PXDNL: variants seen among roughly 807,000 people sequenced by gnomAD.
PXDNL encodes the protein probable oxidoreductase PXDNL.
PXDNL carries 145 observed loss-of-function variants against 150.8 expected under a neutral mutation model. That is an observed-to-expected ratio of 0.96 (90% CI 0.84 to 1.10). The LOEUF is 1.10. PXDNL is among the 50% of genes least tolerant of loss of function. The pLI, the probability that PXDNL is intolerant of heterozygous loss-of-function variation, is 0.00. For missense variants in PXDNL, 2,087 were observed against 1,873.9 expected, an observed-to-expected ratio of 1.11 and a Z score of -2.10; for synonymous variants, 757 against 725.7, an observed-to-expected ratio of 1.04 and a Z score of -0.69.
intron 4 of PXDNL, among the ~76,000 whole-genome samples, chr8:51,535,132 G>A (rs1299142267): frequency 2.3e-5 from 3 of 131,186 alleles, no homozygotes; most frequent in African/African-American, 3.5e-5. Flanking sequence ...CGCCCCATCC[G>A]GGAGGTGAGG....
intron 4 of PXDNL, among the ~76,000 whole-genome samples, chr8:51,535,768 G>A (rs1194157274): frequency 6.6e-6 from 1 of 152,022 alleles, no homozygotes; most frequent in Non-Finnish European, 1.5e-5. Context: ...AACTGGTATG[G>A]ACTTCTCTTT....
Position 51,339,716 on chromosome 8 carries a change from T to G in PXDNL, c.4054A>C (p.Asn1352His). Residue 1352 changes from asparagine to histidine, a missense_variant, in exon 21 of 23, where the codon AAT becomes CAT. Physicochemically the swap from Asn to His is moderately conservative, Grantham distance 68 (BLOSUM62 1). Coordinates refer to ENST00000356297, the MANE Select transcript of PXDNL (RefSeq NM_144651.5). ...DKIYVGEDAR[N>H]VTVLAKTKFS... ...TTTGTTTTTGCCAGAACTGTCACAT[T>G]TCTAGCATCTTCACCCACATATATT... The G allele has an allele frequency of 1.2e-6, 2 of 1,613,542 alleles. No individual in the cohort carries two copies. Among genetic ancestry groups the G allele is most frequent in the Non-Finnish European group, 1.7e-6 (2 of 1,179,698 alleles).
intron 4 of PXDNL, among the ~76,000 whole-genome samples, chr8:51,547,974 A>G (rs945193823): frequency 1.3e-5 from 2 of 152,118 alleles, no homozygotes; most frequent in Non-Finnish European, 2.9e-5. Flanking sequence ...AGAGAAATAG[A>G]TAGCATAAAG....
intron 22 of PXDNL, 103 bp from the exon 23 acceptor site, chr8:51,320,125 T>C: frequency 9.8e-7 from 1 of 1,022,820 alleles, no homozygotes. Context: ...AAGCTGACTG[T>C]CTCAATATAA....
intron 1 of PXDNL, among the ~76,000 whole-genome samples, chr8:51,779,283 T>G (rs2037387110): frequency 1.3e-5 from 2 of 152,190 alleles, no homozygotes. Flanking sequence ...CAAGGCTGTG[T>G]GCAAGGGAAG....
intron 6 of PXDNL, among the ~76,000 whole-genome samples, chr8:51,478,437 A>G (rs893661316): frequency 2.0e-5 from 3 of 152,236 alleles, no homozygotes; most frequent in Non-Finnish European, 4.4e-5. Flanking sequence ...AATCTTTTCT[A>G]TTTGAAAACA....
intron 3 of PXDNL, among the ~76,000 whole-genome samples, chr8:51,573,215 C>T (rs1433964744): frequency 6.6e-6 from 1 of 152,124 alleles, no homozygotes; most frequent in East Asian, 1.9e-4. Flanking sequence ...GATCCTCACA[C>T]TTGTGAGGCT....
chr8:51,804,586 A>T (rs1479376867), intron 1 of PXDNL, among the ~76,000 whole-genome samples: 1 of 152,018 alleles, frequency 6.6e-6, no homozygotes, highest in Non-Finnish European at 1.5e-5. Flanking sequence ...AACTTTTCCC[A>T]TGTGCAGTAG....
intron 3 of PXDNL, 93 bp from the exon 4 acceptor site, chr8:51,557,004 T>A: frequency 1.4e-6 from 1 of 712,342 alleles, no homozygotes; most frequent in South Asian, 1.7e-5. Flanking sequence ...CTGTGGACCT[T>A]AGGAGCTTTG....
intron 12 of PXDNL, among the ~76,000 whole-genome samples, chr8:51,433,172 G>T (rs1809297984): frequency 1.3e-5 from 2 of 150,930 alleles, no homozygotes; most frequent in South Asian, 2.1e-4. Flanking sequence ...TCGCACCACA[G>T]CACTCCAGCC....
intron 16 of PXDNL, among the ~76,000 whole-genome samples, chr8:51,410,784 C>T (rs958565494): frequency 6.6e-6 from 1 of 151,668 alleles, no homozygotes; most frequent in Admixed American, 6.6e-5. Flanking sequence ...CTTGGATATA[C>T]CAAAAAACAA....
intron 1 of PXDNL, among the ~76,000 whole-genome samples, chr8:51,788,802 C>T (rs912565107): frequency 2.0e-5 from 3 of 152,200 alleles, no homozygotes; most frequent in Non-Finnish European, 4.4e-5. Flanking sequence ...CTCATTCTCA[C>T]ATTGCAGATC....
chr8:51,750,027 A>T (rs4425745), intron 1 of PXDNL, among the ~76,000 whole-genome samples: 123,181 of 152,156 alleles, frequency 0.81, 49,957 homozygotes, highest in East Asian at 0.88. Context: ...AAAATTTTCT[A>T]TCTTCAACAA....
At chr8:51,587,589 T>G (rs16916554) in intron 3 of PXDNL, among the ~76,000 whole-genome samples, 379 of 152,202 alleles carry the variant, frequency 2.5e-3, no homozygotes, top group Non-Finnish European at 4.2e-3. Context: ...AAATGAAAAT[T>G]AACCTCCTGA....
rs1341040353 is a variant in PXDNL, at chr8:51,408,343, T to G, written c.3281A>C (p.Glu1094Ala). The change falls in exon 17 of 23, where the codon GAA (glutamate) becomes GCA (alanine). Residue 1094 changes from glutamate (E) to alanine (A), a missense_variant. Transcript: ENST00000356297. ...CCGGAGAACCGGGTCTATCCCACCT[T>G]CCTTGATTATTCTGGACGGTGAAAA... ...ALFSPSRIIK[E>A]GGIDPVLRGL... 1.9e-6 allele frequency: 3 copies of G among 1,614,034 alleles called. No homozygotes were observed.
Position 51,809,299 on chromosome 8 carries a change from C to T in PXDNL, c.46G>A (p.Gly16Arg), listed in dbSNP as rs199928365. 124 of 1,581,250 alleles carry T rather than the reference C, an allele frequency of 7.8e-5. 1 individual carries two copies. The African/African-American group carries it at 1.4e-3, about 18-fold the overall frequency. The part of the protein sequence containing the change: ...FCWTTLFLLA[G>R]WCLPGLPCPS... ...CAGGGCAACCCTGGCAGGCACCACCCGGCCAGGAGAAAGAGAGTGGTCCAG... is the reference window on the plus strand; with the variant it reads ...CAGGGCAACCCTGGCAGGCACCACCTGGCCAGGAGAAAGAGAGTGGTCCAG... The change falls in exon 1 of 23, where the codon GGG becomes AGG. Residue 16 changes from glycine to arginine, a missense_variant. By Grantham distance (125) the Gly-to-Arg change is moderately radical (BLOSUM62 -2). Transcript: ENST00000356297.
chr8:51,674,742 C>T (rs752622914), intron 1 of PXDNL, among the ~76,000 whole-genome samples: 3 of 152,212 alleles, frequency 2.0e-5, no homozygotes, highest in African/African-American at 7.2e-5. Context: ...ACCCCATGGG[C>T]GCTGTGCAGC....
intron 3 of PXDNL, among the ~76,000 whole-genome samples, chr8:51,559,336 C>A (rs5002672): frequency 0.3 from 40,776 of 135,248 alleles, 8,432 homozygotes; most frequent in African/African-American, 0.52. Flanking sequence ...CCAAACCCCC[C>A]CCCCCCCCGC....
intron 12 of PXDNL, 107 bp from the exon 13 acceptor site, chr8:51,426,865 C>T (rs1268046527): frequency 1.6e-6 from 1 of 626,576 alleles, no homozygotes; most frequent in Non-Finnish European, 2.8e-6. Context: ...GTTAAGCACA[C>T]TAGTTTTTTA....
Sources: gnomAD v4.1 joint callset for allele counts (sites outside exome capture counted in the v4.1 genomes callset) on GRCh38, gnomAD v4.1.1 for gene constraint, MANE v1.5 for transcripts, NCBI Gene and HGNC (gene_info 2026-07-23, HGNC 2026-07-21) for gene names.